FRMD4B: variants seen among roughly 807,000 people sequenced by gnomAD.
FRMD4B encodes FERM domain containing 4B.
A neutral mutation model predicts 141.5 loss-of-function variants in FRMD4B; 74 were observed. The ratio of observed to expected loss-of-function variants is 0.52; its 90% CI spans 0.43 to 0.63. The LOEUF (loss-of-function observed/expected upper bound fraction) is 0.63. FRMD4B is among the 30% of genes least tolerant of loss of function. The probability of loss-of-function intolerance (pLI) is 0.00; values close to 1 mark genes in which losing one functional copy is unlikely to be tolerated. For missense variants in FRMD4B, 1,366 were observed against 1,253.4 expected, an observed-to-expected ratio of 1.09 and a Z score of -1.36; for synonymous variants, 506 against 467.9, an observed-to-expected ratio of 1.08 and a Z score of -1.05.
intron 1 of FRMD4B, among the ~76,000 whole-genome samples, chr3:69,369,014 AT>A (rs1703750765): frequency 6.6e-6 from 1 of 152,202 alleles, no homozygotes; most frequent in African/African-American, 2.4e-5. Flanking sequence ...TCAAATTTTC[AT>A]TTGCTAAACT....
upstream of FRMD4B, among the ~76,000 whole-genome samples, chr3:69,388,557 C>T (rs986202): frequency 0.49 from 74,257 of 151,826 alleles, 18,654 homozygotes; most frequent in East Asian, 0.61. Context: ...GCTAAATCTT[C>T]TAAAAGAGAC....
At chr3:69,232,626 C>A (rs571697155) in intron 7 of FRMD4B, among the ~76,000 whole-genome samples, 5 of 152,160 alleles carry the variant, frequency 3.3e-5, no homozygotes, top group Non-Finnish European at 7.3e-5. Flanking sequence ...TGAGGCTACT[C>A]TTTGTGTGTG....
intron 12 of FRMD4B, among the ~76,000 whole-genome samples, chr3:69,197,552 T>G (rs1452946865): frequency 1.4e-5 from 1 of 72,494 alleles, no homozygotes; most frequent in African/African-American, 3.8e-5. Context: ...GTACACCAGA[T>G]GGAAAGAGGA....
At chr3:69,298,438 C>A (rs11718041) in intron 4 of FRMD4B, among the ~76,000 whole-genome samples, 1 of 152,114 alleles carries the variant, frequency 6.6e-6, no homozygotes, top group East Asian at 1.9e-4. Context: ...TGCCCTGTTC[C>A]GATCTGTCCT....
chr3:69,535,592 A>G (rs13069234), intron 1 of FRMD4B: 57,614 of 182,390 alleles, frequency 0.32, 9,759 homozygotes, highest in African/African-American at 0.43. Flanking sequence ...GAAATAAATA[A>G]AGCAGTGGTT....
intron 1 of FRMD4B, among the ~76,000 whole-genome samples, chr3:69,459,169 T>G (rs1411401119): frequency 6.6e-6 from 1 of 152,236 alleles, no homozygotes; most frequent in East Asian, 1.9e-4. Context: ...GAATTTAACT[T>G]CATAGTTTTA....
At chr3:69,350,943 C>T (rs1425037970) in intron 1 of FRMD4B, among the ~76,000 whole-genome samples, 1 of 151,922 alleles carries the variant, frequency 6.6e-6, no homozygotes, top group Non-Finnish European at 1.5e-5. Context: ...AACAAACCTG[C>T]ACATTGTGCA....
At chr3:69,267,652 GA>G (rs2093573523) in intron 5 of FRMD4B, among the ~76,000 whole-genome samples, 2 of 43,246 alleles carry the variant, frequency 4.6e-5, no homozygotes, top group Non-Finnish European at 9.7e-5. Context: ...GAGAGAGAGA[GA>G]GAGAGAGAGA....
intron 1 of FRMD4B, among the ~76,000 whole-genome samples, chr3:69,335,676 C>A (rs1575741809): frequency 6.6e-6 from 1 of 151,876 alleles, no homozygotes; most frequent in South Asian, 2.1e-4. Context: ...CCTCCTCCCC[C>A]ATGAAATGTT....
chr3:69,183,021 A>G (rs1486686374), intron 19 of FRMD4B, among the ~76,000 whole-genome samples: 1 of 152,228 alleles, frequency 6.6e-6, no homozygotes, highest in African/African-American at 2.4e-5. Context: ...TGAACATTCA[A>G]AACAGTCCTT....
chr3:69,182,535 G>C lies in FRMD4B; in HGVS notation c.2039+63C>G, dbSNP rs905812444. Reference sequence around the variant, plus strand: ...TGAAATGATTAAAAAACACAATAAAGCAAGACAGAACCTCAAAGCAAAAAT... The same window carrying C: ...TGAAATGATTAAAAAACACAATAAACCAAGACAGAACCTCAAAGCAAAAAT... On this transcript the variant is annotated intron_variant, in intron 20 of 22. Transcript: ENST00000398540. 26 of 1,496,980 alleles carry C rather than the reference G, an allele frequency of 1.7e-5. No individual in the cohort carries two copies. The Admixed American group carries it at 2.1e-4, about 12-fold the overall frequency. 92.7% of individuals were successfully genotyped at this position (1,496,980 alleles called of 1,614,324 possible).
At chr3:69,228,067 G>T (rs2093271139) in intron 7 of FRMD4B, among the ~76,000 whole-genome samples, 1 of 152,228 alleles carries the variant, frequency 6.6e-6, no homozygotes, top group Non-Finnish European at 1.5e-5. Flanking sequence ...CCCCTCAGGG[G>T]ACGTTTAGCA....
chr3:69,461,745 G>A (rs1223735469), intron 1 of FRMD4B, among the ~76,000 whole-genome samples: 1 of 150,858 alleles, frequency 6.6e-6, no homozygotes, highest in Non-Finnish European at 1.5e-5. Flanking sequence ...CCTTTGTATA[G>A]AGAACTTCTT....
At chr3:69,510,287 G>A (rs557177427) in intron 1 of FRMD4B, among the ~76,000 whole-genome samples, 1 of 152,272 alleles carries the variant, frequency 6.6e-6, no homozygotes, top group African/African-American at 2.4e-5. Context: ...TAAAACAATA[G>A]TGTCAGAAGC....
At chr3:69,435,329 G>T (rs1705243169) in intron 1 of FRMD4B, among the ~76,000 whole-genome samples, 1 of 151,572 alleles carries the variant, frequency 6.6e-6, no homozygotes, top group South Asian at 2.1e-4. Flanking sequence ...TCAAGTTCAG[G>T]AATCTAAGGG....
At chr3:69,212,359 C>CAAAAAAAAAAAAAA (rs869309749) in intron 11 of FRMD4B, among the ~76,000 whole-genome samples, 34 of 25,332 alleles carry the variant, frequency 1.3e-3, no homozygotes, top group Non-Finnish European at 1.9e-3. Context: ...AACCCCGTCT[C>CAAAAAAAAAAAAAA]AAAAAAAAAA....
intron 1 of FRMD4B, among the ~76,000 whole-genome samples, chr3:69,366,216 C>G (rs979961251): frequency 2.0e-5 from 3 of 150,836 alleles, no homozygotes; most frequent in African/African-American, 7.3e-5. Context: ...GCCGAGATTG[C>G]ATCACTGCAC....
chr3:69,501,228 CTTTT>C (rs534864440), intron 1 of FRMD4B, among the ~76,000 whole-genome samples: 5 of 117,266 alleles, frequency 4.3e-5, no homozygotes, highest in Non-Finnish European at 3.5e-5. Context: ...CATGGACCTT[CTTTT>C]TTTTTTTTTT....
chr3:69,536,233 G>C (rs975609981), intron 1 of FRMD4B: 3 of 602,744 alleles, frequency 5.0e-6, no homozygotes, highest in African/African-American at 3.7e-5. Flanking sequence ...GTTTCTTGGC[G>C]TCCTTCCCCT....
Sources: gnomAD v4.1 joint callset for allele counts (sites outside exome capture counted in the v4.1 genomes callset) on GRCh38, gnomAD v4.1.1 for gene constraint, MANE v1.5 for transcripts, NCBI Gene and HGNC (gene_info 2026-07-23, HGNC 2026-07-21) for gene names.